Variants in MEMO1 observed in about 807,000 individuals in gnomAD.
MEMO1 encodes the protein protein MEMO1.
MEMO1 carries 6 observed loss-of-function variants against 45.2 expected under a neutral mutation model. The ratio of observed to expected loss-of-function variants is 0.13; its 90% CI spans 0.07 to 0.26. MEMO1 has a LOEUF of 0.26. Among genes scored for constraint, MEMO1 ranks in the 10% least tolerant of loss-of-function variants. The pLI, the probability that MEMO1 is intolerant of heterozygous loss-of-function variation, is 1.00. For synonymous variants in MEMO1, 78 were observed against 124.3 expected (o/e 0.63, Z 2.48); for missense variants, 184 against 370.5 (o/e 0.50, Z 4.13).
At chr2:31,945,169 A>T (rs973575747) in intron 2 of MEMO1, among the ~76,000 whole-genome samples, 89 of 152,312 alleles carry the variant, frequency 5.8e-4, no homozygotes, top group African/African-American at 2.1e-3. Flanking sequence ...TTAGTAATTC[A>T]ACATTGTTTT....
At chr2:31,938,132 G>C (rs888482188) in intron 3 of MEMO1, among the ~76,000 whole-genome samples, 1 of 152,104 alleles carries the variant, frequency 6.6e-6, no homozygotes, top group Non-Finnish European at 1.5e-5. Context: ...ATGTCACACA[G>C]ATTAGAATTC....
intron 2 of MEMO1, among the ~76,000 whole-genome samples, chr2:31,955,130 C>G (rs1572798760): frequency 6.6e-6 from 1 of 151,666 alleles, no homozygotes; most frequent in Non-Finnish European, 1.5e-5. Context: ...TAGTACTACT[C>G]CAGGGCTGAG....
At chr2:31,974,367 T>C (rs1157062239) in intron 2 of MEMO1, among the ~76,000 whole-genome samples, 2 of 152,216 alleles carry the variant, frequency 1.3e-5, no homozygotes, top group Non-Finnish European at 2.9e-5. Flanking sequence ...ACCAAGGTAC[T>C]TATCCCTGAC....
intron 2 of MEMO1, among the ~76,000 whole-genome samples, chr2:31,990,095 C>A (rs908984731): frequency 4.6e-5 from 7 of 152,114 alleles, no homozygotes; most frequent in African/African-American, 1.7e-4. Context: ...CCAGCATGGA[C>A]GACAGAGCAA....
At chr2:31,976,629 T>G (rs980588165) in intron 2 of MEMO1, among the ~76,000 whole-genome samples, 10 of 152,112 alleles carry the variant, frequency 6.6e-5, no homozygotes, top group Admixed American at 2.0e-4. Context: ...TAAGGATAAT[T>G]AAATATCTCA....
chr2:31,995,276 A>T (rs2148566366), intron 2 of MEMO1, among the ~76,000 whole-genome samples: 1 of 151,944 alleles, frequency 6.6e-6, no homozygotes, highest in East Asian at 1.9e-4. Context: ...ATATGGTGAA[A>T]CCTCATCTCT....
chr2:31,892,667 T>G (rs187584524), intron 6 of MEMO1, among the ~76,000 whole-genome samples: 94 of 152,322 alleles, frequency 6.2e-4, no homozygotes, highest in African/African-American at 2.2e-3. Flanking sequence ...ACTTTTACAC[T>G]TATCCTAATG....
At chr2:31,979,916 G>C (rs1670440366) in intron 2 of MEMO1, among the ~76,000 whole-genome samples, 2 of 150,918 alleles carry the variant, frequency 1.3e-5, no homozygotes, top group African/African-American at 4.9e-5. Context: ...ATTATTGACT[G>C]ATATGTAGAA....
chr2:31,909,605 T>C (rs988734698), intron 6 of MEMO1, among the ~76,000 whole-genome samples: 5 of 152,070 alleles, frequency 3.3e-5, no homozygotes, highest in African/African-American at 1.2e-4. Context: ...ATGAAAGGAA[T>C]TGAAGAGGAC....
intron 2 of MEMO1, among the ~76,000 whole-genome samples, chr2:32,001,630 T>A (rs921634557): frequency 2.0e-5 from 3 of 152,116 alleles, no homozygotes; most frequent in Non-Finnish European, 4.4e-5. Context: ...CAGTTACGAC[T>A]CATACAAGCC....
At chr2:31,940,855 T>C (rs1261156597) in intron 3 of MEMO1, among the ~76,000 whole-genome samples, 2 of 152,052 alleles carry the variant, frequency 1.3e-5, no homozygotes, top group Admixed American at 6.6e-5. Flanking sequence ...TGACTCTTCT[T>C]CTCTCTATCT....
chr2:32,003,913 G>A (rs1673719585), intron 2 of MEMO1, among the ~76,000 whole-genome samples: 1 of 152,044 alleles, frequency 6.6e-6, no homozygotes, highest in African/African-American at 2.4e-5. Flanking sequence ...ATTAGCCAAG[G>A]ATGATGGCGC....
chr2:31,873,983 G>A lies in MEMO1; in HGVS notation c.658-4031C>T, dbSNP rs1412884935. On this transcript the variant is annotated intron_variant, in intron 8 of 9. Transcript: ENST00000404530. The stretch of plus-strand genomic sequence containing the variant: ...GCTTAGGTTCAAGAGAAAGAAGTAT[G>A]AGGTGACGAAGGAACAATTTTCACT... Among the ~76,000 whole-genome samples the A allele has an allele frequency of 2.6e-5, 4 of 152,198 alleles. No individual in the cohort carries two copies. In the East Asian group the frequency reaches 5.8e-4, roughly 22 times the overall value.
chr2:31,896,320 C>T (rs553824448), intron 6 of MEMO1, among the ~76,000 whole-genome samples: 1 of 152,186 alleles, frequency 6.6e-6, no homozygotes, highest in Non-Finnish European at 1.5e-5. Context: ...GATCCTAGAA[C>T]TATAAGAGCT....
chr2:31,916,068 G>C (rs1681390119), intron 6 of MEMO1, among the ~76,000 whole-genome samples: 3 of 151,940 alleles, frequency 2.0e-5, no homozygotes, highest in Admixed American at 2.0e-4. Flanking sequence ...ATTTAAAAGG[G>C]GGAATTATAA....
intron 2 of MEMO1, among the ~76,000 whole-genome samples, chr2:31,983,300 T>C (rs1202940007): frequency 2.0e-5 from 3 of 152,180 alleles, no homozygotes; most frequent in Non-Finnish European, 1.5e-5. Context: ...TAAAAATGGA[T>C]AGATACAGAA....
intron 2 of MEMO1, among the ~76,000 whole-genome samples, chr2:31,962,829 G>C (rs1668180340): frequency 6.6e-6 from 1 of 152,122 alleles, no homozygotes; most frequent in Non-Finnish European, 1.5e-5. Flanking sequence ...CAGACATTTG[G>C]TCAAGCATTT....
chr2:31,902,284 G>A (rs1033783248), intron 6 of MEMO1, among the ~76,000 whole-genome samples: 1 of 151,934 alleles, frequency 6.6e-6, no homozygotes, highest in Admixed American at 6.6e-5. Context: ...TGTAATCCCA[G>A]CTACTAAGGA....
At chr2:31,962,110 C>T (rs561467799) in intron 2 of MEMO1, among the ~76,000 whole-genome samples, 2 of 152,132 alleles carry the variant, frequency 1.3e-5, no homozygotes, top group Admixed American at 1.3e-4. Context: ...AAAGAATGGC[C>T]AGGAATGGTG....
Sources: gnomAD v4.1 joint callset for allele counts (sites outside exome capture counted in the v4.1 genomes callset) on GRCh38, gnomAD v4.1.1 for gene constraint, MANE v1.5 for transcripts, NCBI Gene and HGNC (gene_info 2026-07-23, HGNC 2026-07-21) for gene names.